AHCYL2: variants seen among roughly 807,000 people sequenced by gnomAD.
AHCYL2 encodes the protein adenosylhomocysteinase like 2.
Under a neutral mutation model 81.4 loss-of-function variants are expected in AHCYL2, and 28 were observed. That is an observed-to-expected ratio of 0.34 (90% CI 0.25 to 0.47). The LOEUF (loss-of-function observed/expected upper bound fraction) is 0.47, where lower values mean the gene tolerates loss of function less well. Among genes scored for constraint, AHCYL2 ranks in the 20% least tolerant of loss-of-function variants. The pLI, the probability that AHCYL2 is intolerant of heterozygous loss-of-function variation, is 1.00. For synonymous variants in AHCYL2, 272 were observed against 290.2 expected, an observed-to-expected ratio of 0.94 and a Z score of 0.64; for missense variants, 551 against 785.1, an observed-to-expected ratio of 0.70 and a Z score of 3.56.
At chr7:129,375,606 A>G in intron 1 of AHCYL2, 8 of 1,322,092 alleles carry the variant, frequency 6.1e-6, no homozygotes, top group Non-Finnish European at 7.7e-6. Flanking sequence ...TGTTTAGGAA[A>G]AAAACAAGTA....
intron 5 of AHCYL2, among the ~76,000 whole-genome samples, chr7:129,399,308 G>A (rs975922132): frequency 6.6e-5 from 10 of 150,812 alleles, no homozygotes; most frequent in Admixed American, 4.0e-4. Context: ...TTAGCTGGGC[G>A]TGGTGCCACG....
At chr7:129,373,130 ATCTTGGGCCCTC>A (rs1349490127) in intron 1 of AHCYL2, among the ~76,000 whole-genome samples, 1 of 152,140 alleles carries the variant, frequency 6.6e-6, no homozygotes, top group Non-Finnish European at 1.5e-5. Flanking sequence ...AAAATACAAA[ATCTTGGGCCCTC>A]TCCAGACCTA....
At chr7:129,401,346 C>CA (rs1001828458) in intron 6 of AHCYL2, among the ~76,000 whole-genome samples, 4 of 150,796 alleles carry the variant, frequency 2.7e-5, no homozygotes, top group Non-Finnish European at 5.9e-5. Context: ...AGTGCCCCCC[C>CA]CCAAAAAAGC....
chr7:129,336,072 T>TTA (rs1491550053), intron 1 of AHCYL2, among the ~76,000 whole-genome samples: 2 of 2,498 alleles, frequency 8.0e-4, no homozygotes, highest in East Asian at 0.2. Context: ...TTTTCTTTCC[T>TTA]TTTTTTTTTT....
At chr7:129,239,100 A>G (rs1794746046) in intron 1 of AHCYL2, among the ~76,000 whole-genome samples, 1 of 152,182 alleles carries the variant, frequency 6.6e-6, no homozygotes, top group African/African-American at 2.4e-5. Flanking sequence ...CAAAATGGTA[A>G]CTCTTAATTT....
chr7:129,370,635 T>A, intron 1 of AHCYL2, among the ~76,000 whole-genome samples: 1 of 152,182 alleles, frequency 6.6e-6, no homozygotes, highest in African/African-American at 2.4e-5. Context: ...GAGGCAGAGC[T>A]TACAGTGAGC....
intron 1 of AHCYL2, among the ~76,000 whole-genome samples, chr7:129,230,059 A>G (rs1794368343): frequency 6.7e-6 from 1 of 149,566 alleles, no homozygotes. Context: ...AGAGCTTTAC[A>G]TATACTGTTT....
intron 2 of AHCYL2, among the ~76,000 whole-genome samples, chr7:129,387,403 A>C (rs1013083064): frequency 6.6e-6 from 1 of 152,248 alleles, no homozygotes; most frequent in Admixed American, 6.5e-5. Flanking sequence ...TTATACACCC[A>C]AAAACAGAGA....
intron 1 of AHCYL2, among the ~76,000 whole-genome samples, chr7:129,274,889 T>C (rs1796146619): frequency 6.6e-6 from 1 of 152,158 alleles, no homozygotes; most frequent in Non-Finnish European, 1.5e-5. Flanking sequence ...GTTTCAGACT[T>C]ATGGCACATG....
At chr7:129,347,323 C>T (rs1793397350) in intron 1 of AHCYL2, among the ~76,000 whole-genome samples, 1 of 152,148 alleles carries the variant, frequency 6.6e-6, no homozygotes, top group African/African-American at 2.4e-5. Context: ...TATTGATTAA[C>T]TGTAACAGAT....
intron 1 of AHCYL2, among the ~76,000 whole-genome samples, chr7:129,239,707 T>A (rs778929818): frequency 4.6e-5 from 7 of 152,124 alleles, no homozygotes; most frequent in Non-Finnish European, 8.8e-5. Context: ...AAACCTGTTA[T>A]AAGACTTATA....
At chr7:129,242,545 G>A (rs1036601403) in intron 1 of AHCYL2, among the ~76,000 whole-genome samples, 2 of 151,852 alleles carry the variant, frequency 1.3e-5, no homozygotes, top group African/African-American at 4.8e-5. Context: ...GTGAAACCCC[G>A]TCTCTACTAA....
chr7:129,397,694 A>G (rs1795811211), intron 5 of AHCYL2, among the ~76,000 whole-genome samples: 1 of 152,230 alleles, frequency 6.6e-6, no homozygotes, highest in Non-Finnish European at 1.5e-5. Context: ...CCAGCAAGTA[A>G]TTTGCCCTGA....
intron 1 of AHCYL2, among the ~76,000 whole-genome samples, chr7:129,342,702 C>A (rs1036239719): frequency 6.6e-6 from 1 of 152,236 alleles, no homozygotes; most frequent in Admixed American, 6.5e-5. Flanking sequence ...AAGTGGTAGA[C>A]CTTATTTTAA....
At chr7:129,380,011 A>C (rs1032662885) in intron 2 of AHCYL2, among the ~76,000 whole-genome samples, 1 of 152,154 alleles carries the variant, frequency 6.6e-6, no homozygotes, top group Non-Finnish European at 1.5e-5. Flanking sequence ...TCTACTCAGA[A>C]GGGTGGGAAT....
At chr7:129,413,719 T>C (rs1417265965) in intron 12 of AHCYL2, 31 bp downstream of exon 12, 1 of 1,580,784 alleles carries the variant, frequency 6.3e-7, no homozygotes, top group Non-Finnish European at 8.7e-7. Flanking sequence ...ATTGGGGGCT[T>C]TTTTCTCTCC....
At chr7:129,384,902 C>A (rs1795135483) in intron 2 of AHCYL2, among the ~76,000 whole-genome samples, 2 of 152,162 alleles carry the variant, frequency 1.3e-5, no homozygotes, top group East Asian at 3.8e-4. Flanking sequence ...TTGAAAAACG[C>A]TGCATTAATC....
At chr7:129,420,059 C>T (rs1173716283) in intron 12 of AHCYL2, among the ~76,000 whole-genome samples, 2 of 152,188 alleles carry the variant, frequency 1.3e-5, no homozygotes, top group African/African-American at 4.8e-5. Flanking sequence ...GATAAGTTAA[C>T]CAAGTTTCTC....
intron 12 of AHCYL2, among the ~76,000 whole-genome samples, chr7:129,417,253 T>C (rs971592940): frequency 6.6e-6 from 1 of 151,912 alleles, no homozygotes; most frequent in African/African-American, 2.4e-5. Context: ...CAGGCAGGAG[T>C]GTGCTTAGTC....
Sources: allele counts gnomAD v4.1 joint callset (sites outside exome capture counted in the v4.1 genomes callset), GRCh38; gene constraint gnomAD v4.1.1; transcripts MANE v1.5; gene names NCBI Gene and HGNC (gene_info 2026-07-23, HGNC 2026-07-21).